The following NOS3 variants were observed in gnomAD, a reference collection of about 807,000 sequenced individuals.
NOS3 encodes the protein NOS type III.
NOS3 carries 98 observed loss-of-function variants against 144.9 expected under a neutral mutation model. The observed-to-expected ratio is 0.68, with a 90% CI of 0.57 to 0.80. NOS3 has a LOEUF of 0.80. Ranked by LOEUF, NOS3 falls within the 30% of genes least tolerant of loss-of-function variation. NOS3 has a pLI of 0.00. For missense variants in NOS3, 1,465 were observed against 1,656.4 expected, an observed-to-expected ratio of 0.88 and a Z score of 2.01; for synonymous variants, 714 against 702.4, an observed-to-expected ratio of 1.02 and a Z score of -0.26.
In NOS3 at chr7:151,000,525, AC is replaced by A. The variant is rs1795066060; in HGVS notation, c.1162del (p.Arg388GlyfsTer25). 6.2e-7 allele frequency: 1 copy of A among 1,613,290 alleles called. No homozygotes were observed. Among genetic ancestry groups the A allele is most frequent in the Non-Finnish European group, 8.5e-7 (1 of 1,179,772 alleles). ...EDVAVCMDLDTRTTSSLWKDK... is the reference protein window; with the variant it reads ...EDVAVCMDLDXRTTSSLWKDK... ...TGTGGCTGTCTGCATGGACCTGGAT[AC>A]CCGGACCACCTCGTCCCTGTGGAAA... On this transcript the variant is annotated frameshift_variant, in exon 10 of 27. Transcript: ENST00000297494. LOFTEE classifies it high-confidence loss of function.
chr7:151,009,912 AAG>A (rs2117132818), intron 20 of NOS3, among the ~76,000 whole-genome samples: 1 of 152,324 alleles, frequency 6.6e-6, no homozygotes, highest in African/African-American at 2.4e-5. Context: ...TATTTAAAAT[AAG>A]GGGGTGGAGT....
chr7:151,000,643 C>T lies in NOS3; in HGVS notation c.1233+44C>T, dbSNP rs760366117. On this transcript the variant is annotated intron_variant, in intron 10 of 26. Transcript: ENST00000297494. ...GCCAGGAAGGCAAAGGGTTTGCATA[C>T]GGGGGCAGCAGGGGCGGGGGATGGA... is the stretch of plus-strand genomic sequence containing the variant. 8 of 1,342,106 alleles carry T rather than the reference C, an allele frequency of 6.0e-6. No homozygotes were observed. The East Asian group carries it at 9.2e-5, about 15-fold the overall frequency. 83.1% of individuals were successfully genotyped at this position (1,342,106 alleles called of 1,614,324 possible).
chr7:151,013,104 A>T, intron 24 of NOS3, 127 bp from the exon 25 acceptor site: 1 of 995,184 alleles, frequency 1.0e-6, no homozygotes, highest in Non-Finnish European at 1.5e-6. Context: ...GAGATGAAAC[A>T]GCCAAAGTAA....
intron 5 of NOS3, among the ~76,000 whole-genome samples, chr7:150,997,876 C>G (rs1213129255): frequency 2.6e-5 from 4 of 152,186 alleles, no homozygotes; most frequent in African/African-American, 7.2e-5. Context: ...GACCTCCCAG[C>G]CTCCTCCTGG....
In NOS3 at chr7:151,009,633, GC is replaced by G. The variant is rs775240081; in HGVS notation, c.2512+52del. 4.2e-6 allele frequency: 6 copies of G among 1,434,148 alleles called. No homozygotes were observed. In the African/African-American group the frequency reaches 8.6e-5, roughly 21 times the overall value. The allele number at this position is 1,434,148 out of a possible 1,614,324, so 88.8% of individuals were successfully genotyped here. ...ACAGGGCACACCAGCCCCATGCCCA[GC>G]CCCACCCCCGGCCCCAGGCCTCCAG... On this transcript the variant is annotated intron_variant, in intron 20 of 26. Coordinates refer to ENST00000297494, the MANE Select transcript of NOS3 (RefSeq NM_000603.5).
rs200006061 is a variant in NOS3 at position 151,010,304 on chromosome 7, A to G, written c.2685+17A>G. On this transcript the variant is annotated intron_variant, in intron 21 of 26. Transcript: ENST00000297494. ...CTCAGCCAGGTTGGGGGCCACCCCA[A>G]TGAGGCACAGGGGCTAGAGAGACGG... The G allele has an allele frequency of 1.3e-5, 21 of 1,608,038 alleles. No individual in the cohort carries two copies. In the Middle Eastern group the frequency reaches 5.4e-4, roughly 42 times the overall value.
chr7:150,997,964 G>T (rs1802470320), intron 5 of NOS3, among the ~76,000 whole-genome samples: 1 of 152,214 alleles, frequency 6.6e-6, no homozygotes, highest in Non-Finnish European at 1.5e-5. Flanking sequence ...CCATCCATGT[G>T]CTCAAAGAGA....
chr7:151,012,066 T>C (rs993957295), intron 23 of NOS3: 1 of 385,976 alleles, frequency 2.6e-6, no homozygotes, highest in African/African-American at 2.0e-5. Context: ...AGTGAACCCA[T>C]TATGAACTGA....
At position 150,998,804 on chromosome 7, in the gene NOS3, C is replaced by G; in HGVS notation, c.816+124C>G. 1.4e-6 allele frequency: 2 copies of G among 1,463,432 alleles called. No homozygotes were observed. Among genetic ancestry groups the G allele is most frequent in the African/African-American group, 1.4e-5 (1 of 71,198 alleles). 90.7% of individuals were successfully genotyped at this position (1,463,432 alleles called of 1,614,324 possible). A position where few individuals can be genotyped will look rare whatever the true frequency, so the allele number is the denominator to read the frequency against. On this transcript the variant is annotated intron_variant, in intron 7 of 26. Transcript: ENST00000297494. This position sits in a 1 kb window ranked among gnomAD's most constrained non-coding sequence, Gnocchi z 5.0. ...TCGGTGAGATAAAGGATGAAAAACA[C>G]CAAAGGAGGGGTGCCTGGGTGGTCA...
chr7:151,000,651 G>A (rs1236378623), intron 10 of NOS3, 52 bp downstream of exon 10: 3 of 1,239,798 alleles, frequency 2.4e-6, no homozygotes, highest in Non-Finnish European at 3.5e-6. Flanking sequence ...TACGGGGGCA[G>A]CAGGGGCGGG....
Position 151,003,307 on chromosome 7 carries a change from A to G in NOS3, c.1752+1003A>G, listed in dbSNP as rs1166076035. The G allele has an allele frequency of 3.0e-5, 17 of 573,352 alleles. 1 individual carries two copies. Among genetic ancestry groups the G allele is most frequent in the Middle Eastern group, 5.4e-4 (1 of 1,852 alleles). The allele number at this position is 573,352 out of a possible 1,614,324, so 35.5% of individuals were successfully genotyped here. On this transcript the variant is annotated intron_variant, in intron 14 of 26. Transcript: ENST00000297494. This position sits in a 1 kb window ranked among gnomAD's most constrained non-coding sequence, Gnocchi z 4.1. ...TGCCTAGCTAATTTTTGTATTTTTTATAGAGATGGGGTTTCGCCATGTTGC... is the reference window on the plus strand; with the variant it reads ...TGCCTAGCTAATTTTTGTATTTTTTGTAGAGATGGGGTTTCGCCATGTTGC...
In NOS3 at chr7:151,011,003, A is replaced by C. The variant is rs1453783569; in HGVS notation, c.2984+17A>C. The C allele has an allele frequency of 4.4e-6, 7 of 1,589,950 alleles. No homozygotes were observed. The highest frequency in any genetic ancestry group is 6.0e-6 in the Non-Finnish European group (7 of 1,160,212). On this transcript the variant is annotated intron_variant, in intron 23 of 26. Transcript: ENST00000297494. ...CATCCGGGGGTAAGTGAGATGGAAG[A>C]CTTGGTGGGGAGCTGCCCAGGGTCA...
In NOS3 at chr7:151,014,087, G is replaced by C; in HGVS notation, c.3530G>C (p.Ser1177Thr). 1 of 1,613,874 alleles carries C rather than the reference G, an allele frequency of 6.2e-7. No homozygotes were observed. Among genetic ancestry groups the C allele is most frequent in the Non-Finnish European group, 8.5e-7 (1 of 1,179,926 alleles). The change falls in exon 27 of 27, where the codon AGC becomes ACC. Residue 1177 changes from serine to threonine, a missense_variant. Physicochemically the swap from Ser to Thr is moderately conservative, Grantham distance 58 (BLOSUM62 1). This residue lies in a region of NOS3 where 228 missense variants were observed against 227.7 expected (regional missense o/e 1.00). Transcript: ENST00000297494. ...QEVTSRIRTQ[S>T]FSLQERQLRG... is the part of the protein sequence containing the mutation. ...GTGACAAGCCGCATACGCACCCAGAGCTTTTCCTTGCAGGAGCGTCAGTTG... is the reference window on the plus strand; with the variant it reads ...GTGACAAGCCGCATACGCACCCAGACCTTTTCCTTGCAGGAGCGTCAGTTG...
Position 150,998,828 on chromosome 7 carries a change from C to A in NOS3, c.817-118C>A. ...ACCAAAGGAGGGGTGCCTGGGTGGT[C>A]ACGGAGACCCAGCCAATGAGGGACC... On this transcript the variant is annotated intron_variant, in intron 7 of 26. Transcript: ENST00000297494. This position sits in a 1 kb window ranked among gnomAD's most constrained non-coding sequence, Gnocchi z 5.0. 6.8e-7 allele frequency: 1 copy of A among 1,471,220 alleles called. No homozygotes were observed. The highest frequency in any genetic ancestry group is 1.3e-5 in the South Asian group (1 of 77,338). 91.1% of individuals were successfully genotyped at this position (1,471,220 alleles called of 1,614,324 possible).
intron 23 of NOS3, 63 bp downstream of exon 23, chr7:151,011,049 A>C (rs1024424377): frequency 2.6e-6 from 3 of 1,155,614 alleles, no homozygotes; most frequent in Non-Finnish European, 3.9e-6. Context: ...TTTGGTGAGG[A>C]GTGTCACTGG....
Position 150,993,393 on chromosome 7 carries a change from A to G in NOS3, c.-51-360A>G, listed in dbSNP as rs1802295949. Among the ~76,000 whole-genome samples, 1 of 152,174 alleles carries G rather than the reference A, an allele frequency of 6.6e-6. No individual in the cohort carries two copies. Among genetic ancestry groups the G allele is most frequent in the African/African-American group, 2.4e-5 (1 of 41,440 alleles). On this transcript the variant is annotated intron_variant, in intron 1 of 26. Transcript: ENST00000297494. This position sits in a 1 kb window ranked among gnomAD's most constrained non-coding sequence, Gnocchi z 4.0. ...GTGCTCACCTTCTGCCCAACCCTCC[A>G]GGGAAAGGCACACAGGGGTGAGGCC...
intron 12 of NOS3, 49 bp downstream of exon 12, chr7:151,001,666 A>T: frequency 1.3e-6 from 2 of 1,576,286 alleles, no homozygotes; most frequent in Middle Eastern, 1.7e-4. Context: ...TGGGGGCCCC[A>T]CTCTCCCCCA....
At chr7:151,001,074 G>A (rs1795079361) in intron 10 of NOS3, among the ~76,000 whole-genome samples, 157 bp from the exon 11 acceptor site, 1 of 152,146 alleles carries the variant, frequency 6.6e-6, no homozygotes, top group Admixed American at 6.5e-5. Context: ...GATGTGGTTT[G>A]GGGTGAGGGT....
chr7:151,008,398 G>A (rs983170284), intron 17 of NOS3, among the ~76,000 whole-genome samples: 1 of 152,008 alleles, frequency 6.6e-6, no homozygotes, highest in African/African-American at 2.4e-5. Flanking sequence ...GGAGTAGACG[G>A]GATCCACACC....
Sources: gnomAD v4.1 joint callset for allele counts (sites outside exome capture counted in the v4.1 genomes callset) on GRCh38, gnomAD v4.1.1 for gene constraint, gnomAD v4.1.1 regional missense constraint, Gnocchi (gnomAD v3.1) non-coding constraint, MANE v1.5 for transcripts, NCBI Gene and HGNC (gene_info 2026-07-23, HGNC 2026-07-21) for gene names.